TAFA2: variants seen among roughly 807,000 people sequenced by gnomAD.
The protein encoded by TAFA2 is TAFA chemokine like family member 2, also known as chemokine-like protein TAFA-2.
A neutral mutation model predicts 18.8 loss-of-function variants in TAFA2; 7 were observed. The ratio of observed to expected loss-of-function variants is 0.37; its 90% CI spans 0.21 to 0.70. The LOEUF (loss-of-function observed/expected upper bound fraction) is 0.70. TAFA2 is among the 30% of genes least tolerant of loss of function. TAFA2 has a pLI of 0.53. For missense variants in TAFA2, 122 were observed against 158.1 expected (o/e 0.77, Z 1.23); for synonymous variants, 60 against 54.2 (o/e 1.11, Z -0.47).
intron 1 of TAFA2, among the ~76,000 whole-genome samples, chr12:61,969,182 A>G (rs1184965480): frequency 6.6e-6 from 1 of 151,760 alleles, no homozygotes; most frequent in Non-Finnish European, 1.5e-5. Flanking sequence ...TAAGTAATCA[A>G]TAAATGCTTT....
At chr12:61,748,842 G>C (rs1020877495) in intron 4 of TAFA2, among the ~76,000 whole-genome samples, 1 of 152,056 alleles carries the variant, frequency 6.6e-6, no homozygotes, top group African/African-American at 2.4e-5. Context: ...ACCTTGGTTA[G>C]AGAAATTTGA....
intron 2 of TAFA2, among the ~76,000 whole-genome samples, chr12:61,758,846 A>G (rs748228914): frequency 7.9e-5 from 12 of 152,038 alleles, no homozygotes; most frequent in Non-Finnish European, 1.8e-4. Context: ...GATGTGAGTC[A>G]TGATGAGATT....
chr12:61,785,819 C>G (rs746720615), intron 2 of TAFA2, among the ~76,000 whole-genome samples: 4 of 151,424 alleles, frequency 2.6e-5, no homozygotes, highest in African/African-American at 4.8e-5. Context: ...AAAATGTATC[C>G]TCATTGTTAA....
At chr12:61,828,596 A>G (rs1252702533) in intron 2 of TAFA2, among the ~76,000 whole-genome samples, 1 of 151,874 alleles carries the variant, frequency 6.6e-6, no homozygotes, top group African/African-American at 2.4e-5. Flanking sequence ...ACTTGGCATT[A>G]GTAACTGATG....
At chr12:62,005,976 A>G (rs1316299974) in intron 1 of TAFA2, among the ~76,000 whole-genome samples, 1 of 152,178 alleles carries the variant, frequency 6.6e-6, no homozygotes, top group Non-Finnish European at 1.5e-5. Flanking sequence ...TTTTCCTATC[A>G]AGCTCTATTA....
At chr12:61,764,877 A>C (rs912482067) in intron 2 of TAFA2, among the ~76,000 whole-genome samples, 2 of 152,060 alleles carry the variant, frequency 1.3e-5, no homozygotes, top group African/African-American at 4.8e-5. Flanking sequence ...AATATTCACT[A>C]TAAAGTCAAT....
At chr12:61,985,630 T>G (rs943391386) in intron 1 of TAFA2, among the ~76,000 whole-genome samples, 10 of 152,132 alleles carry the variant, frequency 6.6e-5, no homozygotes, top group Non-Finnish European at 1.2e-4. Flanking sequence ...ATAAAAGAAA[T>G]AAGTCACCAG....
chr12:62,098,540 G>A (rs1869048871), intron 1 of TAFA2, among the ~76,000 whole-genome samples: 1 of 152,114 alleles, frequency 6.6e-6, no homozygotes, highest in African/African-American at 2.4e-5. Context: ...GAGACAGACA[G>A]ATTTCTGCCA....
intron 1 of TAFA2, among the ~76,000 whole-genome samples, chr12:62,183,628 A>T (rs1213996249): frequency 2.0e-5 from 3 of 152,088 alleles, no homozygotes; most frequent in African/African-American, 7.2e-5. Context: ...CAAGTGATCC[A>T]CCTACTTCGG....
intron 1 of TAFA2, among the ~76,000 whole-genome samples, chr12:61,902,091 T>TAAAAAA (rs750989820): frequency 0.017 from 1,983 of 116,316 alleles, 74 homozygotes; most frequent in African/African-American, 0.067. Context: ...GCAGGAATGT[T>TAAAAAA]AAAAAAAAAA....
rs375891601 is a variant in TAFA2 at position 61,772,455 on chromosome 12, T to C, written c.107-17431A>G. 3.3e-5 allele frequency among the ~76,000 whole-genome samples: 5 copies of C among 151,692 alleles called. No individual in the cohort carries two copies. The East Asian group carries it at 9.7e-4, about 29-fold the overall frequency. On this transcript the variant is annotated intron_variant, in intron 2 of 4. Coordinates refer to ENST00000416284, the MANE Select transcript of TAFA2 (RefSeq NM_178539.5). ...GAAAACTACAGACCAATGTCCCTGA[T>C]GAATACAGATGCAAAAATCTAACTG...
At chr12:62,052,582 C>T (rs1882085275) in intron 1 of TAFA2, among the ~76,000 whole-genome samples, 1 of 152,132 alleles carries the variant, frequency 6.6e-6, no homozygotes, top group Admixed American at 6.6e-5. Flanking sequence ...CCTCTGCTTG[C>T]TCACCTTCAC....
intron 1 of TAFA2, among the ~76,000 whole-genome samples, chr12:62,220,003 A>G (rs1232499727): frequency 6.6e-6 from 1 of 152,226 alleles, no homozygotes; most frequent in African/African-American, 2.4e-5. Flanking sequence ...AAAGTTATGG[A>G]GCATTTTTAA....
At chr12:61,800,577 T>C (rs934775750) in intron 2 of TAFA2, among the ~76,000 whole-genome samples, 1 of 152,156 alleles carries the variant, frequency 6.6e-6, no homozygotes, top group South Asian at 2.1e-4. Context: ...CAGTGAAATC[T>C]ATGATGTTTC....
rs1385462349 is a variant in TAFA2 at position 61,749,991 on chromosome 12, C to A, written c.384+3631G>T. Among the ~76,000 whole-genome samples the A allele has an allele frequency of 3.6e-5, 5 of 139,406 alleles. 1 individual carries two copies. Among genetic ancestry groups the A allele is most frequent in the African/African-American group, 1.5e-4 (5 of 32,282 alleles). The allele number at this position is 139,406 out of a possible 152,430, so 91.5% of individuals were successfully genotyped here. ...TCCACGAAGAAAGAATATCAAAACACCCCACACACACACACACACACACAG... is the reference window on the plus strand; with the variant it reads ...TCCACGAAGAAAGAATATCAAAACAACCCACACACACACACACACACACAG... On this transcript the variant is annotated intron_variant, in intron 4 of 4. Coordinates refer to ENST00000416284, the MANE Select transcript of TAFA2 (RefSeq NM_178539.5).
chr12:62,100,366 A>G (rs192382586), intron 1 of TAFA2, among the ~76,000 whole-genome samples: 32 of 152,276 alleles, frequency 2.1e-4, no homozygotes, highest in Non-Finnish European at 4.0e-4. Context: ...TAACATTTAC[A>G]TCCCAAAGGA....
intron 2 of TAFA2, among the ~76,000 whole-genome samples, chr12:61,848,804 T>C (rs1357322414): frequency 6.6e-6 from 1 of 151,584 alleles, no homozygotes; most frequent in Non-Finnish European, 1.5e-5. Flanking sequence ...AATAATATGT[T>C]ACATTGGTAA....
At chr12:61,741,248 CT>C (rs147908471) in intron 4 of TAFA2, among the ~76,000 whole-genome samples, 6,539 of 151,788 alleles carry the variant, frequency 0.043, 473 homozygotes, top group African/African-American at 0.15. Context: ...CTCCCTTCCC[CT>C]GTCTCTCCTC....
At chr12:61,996,113 T>G (rs764923217) in intron 1 of TAFA2, among the ~76,000 whole-genome samples, 2 of 152,074 alleles carry the variant, frequency 1.3e-5, no homozygotes, top group Non-Finnish European at 2.9e-5. Context: ...TAAAAATAAA[T>G]GACTATAGGA....
Sources: gnomAD v4.1 joint callset for allele counts (sites outside exome capture counted in the v4.1 genomes callset) on GRCh38, gnomAD v4.1.1 for gene constraint, MANE v1.5 for transcripts, NCBI Gene and HGNC (gene_info 2026-07-23, HGNC 2026-07-21) for gene names.